The following STXBP2 variants were observed in gnomAD, a reference collection of about 807,000 sequenced individuals.
STXBP2 encodes the protein syntaxin binding protein 2.
STXBP2 carries 47 observed loss-of-function variants against 72.2 expected under a neutral mutation model. The observed-to-expected ratio is 0.65, with a 90% CI of 0.51 to 0.83. The LOEUF is 0.83. Among genes scored for constraint, STXBP2 ranks in the 40% least tolerant of loss-of-function variants. The pLI is 0.00. For synonymous variants in STXBP2, 367 were observed against 338.7 expected, an observed-to-expected ratio of 1.08 and a Z score of -0.92; for missense variants, 702 against 807.6, an observed-to-expected ratio of 0.87 and a Z score of 1.58.
At position 7,645,131 on chromosome 19, in the gene STXBP2, C is replaced by T. The variant is rs2032080338; in HGVS notation, c.1247-66C>T. 2.0e-6 allele frequency: 3 copies of T among 1,523,092 alleles called. No homozygotes were observed. In the African/African-American group the frequency reaches 4.1e-5, roughly 21 times the overall value. The allele number at this position is 1,523,092 out of a possible 1,614,324, so 94.3% of individuals were successfully genotyped here. A position where few individuals can be genotyped will look rare whatever the true frequency, so the allele number is the denominator to read the frequency against. ...GTCCTGGGAGCTCCTCAGCCCACCC[C>T]AAACTCCCCTAAACCTGGGAGCTCA... On this transcript the variant is annotated intron_variant, in intron 14 of 18. Coordinates refer to ENST00000221283, the MANE Select transcript of STXBP2 (RefSeq NM_006949.4).
At chr19:7,637,598 G>T (rs980498921) in intron 1 of STXBP2, among the ~76,000 whole-genome samples, 5 of 152,102 alleles carry the variant, frequency 3.3e-5, no homozygotes, top group African/African-American at 1.2e-4. Flanking sequence ...TGCTGTGAGC[G>T]CTCAGGGGAC....
At chr19:7,636,999 T>C, upstream of STXBP2, 3 of 869,538 alleles carry the variant, frequency 3.5e-6, no homozygotes, top group Non-Finnish European at 4.5e-6. Flanking sequence ...CTCAACTTCC[T>C]GGGCCTGGGC....
chr19:7,629,871 A>G, the STXBP2 span: 10 of 1,531,384 alleles, frequency 6.5e-6, no homozygotes, highest in Middle Eastern at 1.7e-4. Context: ...GTCAGTGGAC[A>G]CAGGAGTGGG....
chr19:7,643,175 AC>A lies in STXBP2; in HGVS notation c.1039del (p.Leu347CysfsTer3). The A allele has an allele frequency of 6.2e-7, 1 of 1,613,826 alleles. No individual in the cohort carries two copies. The highest frequency in any genetic ancestry group is 8.5e-7 in the Non-Finnish European group (1 of 1,179,982). ...CCCTGCACCCTGCAGTATTCTACGC[AC>A]CTGCATCTAGCAGATGATTGTATGA... ...YQKELNKYSTHLHLADDCMKH... is the reference protein window; with the variant it reads ...YQKELNKYSTXLHLADDCMKH... On this transcript the variant is annotated frameshift_variant, in exon 13 of 19. Transcript: ENST00000221283. LOFTEE classifies it high-confidence loss of function.
At chr19:7,631,744 G>A in the STXBP2 span, 21 of 1,447,812 alleles carry the variant, frequency 1.5e-5, no homozygotes, top group Non-Finnish European at 1.8e-5. Context: ...GCCGAGAGCG[G>A]TCGGGTCCTG....
chr19:7,640,654 G>T, intron 4 of STXBP2, 77 bp from the exon 5 acceptor site: 2 of 1,575,558 alleles, frequency 1.3e-6, no homozygotes, highest in South Asian at 1.1e-5. Context: ...GGCAGATGGG[G>T]GGTGGCTGGG....
Position 7,640,995 on chromosome 19 carries a change from G to T in STXBP2, c.421G>T (p.Glu141Ter). 6.2e-7 allele frequency: 1 copy of T among 1,614,120 alleles called. No homozygotes were observed. Among genetic ancestry groups the T allele is most frequent in the South Asian group, 1.1e-5 (1 of 91,084 alleles). The stretch of plus-strand genomic sequence containing the variant: ...GATTCACCTTGCCTTCCTCCCCTAC[G>T]AGGCCCAGGTACGGCCCGGGCTCAT... ...KEIHLAFLPY[E>*]AQVFSLDAPH... Residue 141 changes from glutamate (E) to a stop codon, truncating the protein, a stop_gained, in exon 6 of 19, where the codon GAG becomes TAG. Coordinates refer to ENST00000221283, the MANE Select transcript of STXBP2 (RefSeq NM_006949.4). LOFTEE classifies it high-confidence loss of function.
upstream of STXBP2, chr19:7,636,903 T>A (rs1361366582): frequency 2.6e-6 from 1 of 390,328 alleles, no homozygotes; most frequent in Non-Finnish European, 4.5e-6. Flanking sequence ...TGAACTCCCA[T>A]CTGTGAGCGT....
intron 17 of STXBP2, 33 bp downstream of exon 17, chr19:7,647,280 GGGTCTGTGTTAGGTGGGC>G (rs1335516816): frequency 1.2e-6 from 2 of 1,611,016 alleles, no homozygotes; most frequent in Non-Finnish European, 1.7e-6. Context: ...GCCCACGCCT[GGGTCTGTGTTAGGTGGGC>G]GGCCTGGCGG....
upstream of STXBP2, chr19:7,632,359 G>A (rs775899559): frequency 5.0e-6 from 8 of 1,612,278 alleles, no homozygotes; most frequent in Admixed American, 1.3e-4. This position sits in a 1 kb window ranked among gnomAD's most constrained non-coding sequence, Gnocchi z 5.2. Context: ...CTGCCTGGCG[G>A]GTTTCTCCTC....
upstream of STXBP2, chr19:7,633,535 C>A: frequency 6.9e-7 from 1 of 1,441,822 alleles, no homozygotes; most frequent in Non-Finnish European, 9.5e-7. Context: ...ACGTCCAGGA[C>A]GTGGGGGTGT....
At position 7,643,316 on chromosome 19, in the gene STXBP2, G is replaced by A; in HGVS notation, c.1107+71G>A. ...CGGGGTATTGGGGAGGGGCTGAACT[G>A]TAGAGATGGGGGGTTCTGGGGGAGG... is the stretch of plus-strand genomic sequence containing the variant. On this transcript the variant is annotated intron_variant, in intron 13 of 18. Transcript: ENST00000221283. The A allele has an allele frequency of 9.5e-6, 13 of 1,366,774 alleles. 1 individual carries two copies. The South Asian group carries it at 1.3e-4, about 14-fold the overall frequency. The allele number at this position is 1,366,774 out of a possible 1,614,324, so 84.7% of individuals were successfully genotyped here. A position where few individuals can be genotyped will look rare whatever the true frequency, so the allele number is the denominator to read the frequency against.
rs751543240 is a variant in STXBP2, at chr19:7,640,717, T to A, written c.247-14T>A. On this transcript the variant is annotated splice_polypyrimidine_tract_variant and intron_variant, in intron 4 of 18. Coordinates refer to ENST00000221283, the MANE Select transcript of STXBP2 (RefSeq NM_006949.4). The stretch of plus-strand genomic sequence containing the variant: ...GTGCAGGCTCAGGCCCAGAGAGTGA[T>A]CCACCTTCCCCAGTCGGTTCAGGCC... 2.5e-6 allele frequency: 4 copies of A among 1,614,016 alleles called. No individual in the cohort carries two copies. The highest frequency in any genetic ancestry group is 2.7e-5 in the African/African-American group (2 of 74,902).
rs1190149418 is a variant in STXBP2 at position 7,647,748 on chromosome 19, A to T, written c.1720A>T (p.Thr574Ser). 1 of 1,613,660 alleles carries T rather than the reference A, an allele frequency of 6.2e-7. No individual in the cohort carries two copies. The highest frequency in any genetic ancestry group is 8.5e-7 in the Non-Finnish European group (1 of 1,179,928). ...AGGCTCCTCACACATCCTCACCCCG[A>T]CCCGCTTCCTGGATGACCTGAAGGC... ...LIGSSHILTP[T>S]RFLDDLKALD... is the part of the protein sequence containing the mutation. Residue 574 changes from threonine to serine, a missense_variant, in exon 19 of 19, where the codon ACC becomes TCC. Transcript: ENST00000221283.
the STXBP2 span, chr19:7,631,439 C>G: frequency 1.3e-6 from 2 of 1,520,242 alleles, no homozygotes; most frequent in Non-Finnish European, 1.8e-6. Context: ...GTGCCCCTCC[C>G]CCCTTCCTGT....
At position 7,640,488 on chromosome 19, in the gene STXBP2, G is replaced by C. The variant is rs765628875; in HGVS notation, c.247-243G>C. On this transcript the variant is annotated intron_variant, in intron 4 of 18. Transcript: ENST00000221283. ...CATCTCTGTGTGTGCATGTGTGTAT[G>C]TGTGTGTGCATCTGTGTGTGTGTGC... The C allele has an allele frequency of 3.1e-5, 21 of 683,754 alleles. No individual in the cohort carries two copies. In the Middle Eastern group the frequency reaches 2.2e-3, roughly 70 times the overall value. The allele number at this position is 683,754 out of a possible 1,614,324, so 42.4% of individuals were successfully genotyped here.
In STXBP2 at chr19:7,645,717, C is replaced by G. The variant is rs889184; in HGVS notation, c.1356+411C>G. Among the ~76,000 whole-genome samples the G allele has an allele frequency of 0.44, 67,435 of 151,586 alleles. 15,663 individuals carry two copies. Among genetic ancestry groups the G allele is most frequent in the East Asian group, 0.7 (3,592 of 5,122 alleles). On this transcript the variant is annotated intron_variant, in intron 15 of 18. Transcript: ENST00000221283. The stretch of plus-strand genomic sequence containing the variant: ...CCATGTGTGTGCTTGACTCTTGGGT[C>G]AGCCTCTCCTGTCTCTCTCTGGCCC...
rs1206446549 is a variant in STXBP2 at position 7,639,120 on chromosome 19, G to T, written c.169+20G>T. 2 of 1,613,436 alleles carry T rather than the reference G, an allele frequency of 1.2e-6. No homozygotes were observed. The highest frequency in any genetic ancestry group is 2.7e-5 in the African/African-American group (2 of 74,914). ...TCACCAGTGAGTGAACGCGTCCCCA[G>T]TGAGATGGGACCTGAGCGTGGGAAC... On this transcript the variant is annotated intron_variant, in intron 3 of 18. Transcript: ENST00000221283.
intron 4 of STXBP2, chr19:7,640,315 TCTGTGTGTGC>T: frequency 7.2e-6 from 4 of 555,896 alleles, no homozygotes; most frequent in Non-Finnish European, 1.4e-5. Context: ...TGTGTGTGCA[TCTGTGTGTGC>T]GTGTGTATGC....
Sources: gnomAD v4.1 joint callset for allele counts (sites outside exome capture counted in the v4.1 genomes callset) on GRCh38, gnomAD v4.1.1 for gene constraint, Gnocchi (gnomAD v3.1) non-coding constraint, MANE v1.5 for transcripts, NCBI Gene and HGNC (gene_info 2026-07-23, HGNC 2026-07-21) for gene names.